The following DOCK7 variants were observed in gnomAD, a reference collection of about 807,000 sequenced individuals.
The protein encoded by DOCK7 is dedicator of cytokinesis protein 7.
Under a neutral mutation model 271.0 loss-of-function variants are expected in DOCK7, and 138 were observed. The observed-to-expected ratio is 0.51, with a 90% CI of 0.44 to 0.59. The LOEUF (loss-of-function observed/expected upper bound fraction) is 0.59, where lower values mean the gene tolerates loss of function less well. Among genes scored for constraint, DOCK7 ranks in the 20% least tolerant of loss-of-function variants. The pLI, the probability that DOCK7 is intolerant of heterozygous loss-of-function variation, is 0.00. For synonymous variants in DOCK7, 823 were observed against 876.1 expected (o/e 0.94, Z 1.07); for missense variants, 2,066 against 2,592.4 (o/e 0.80, Z 4.41).
In DOCK7 at chr1:62,633,797, C is replaced by CA; in HGVS notation, c.1036-220dup. ...GCAAAGAAACTACCATAATAAAGGCCATATATGAAAAGCCCACAGTTAACA... is the reference window on the plus strand; with the variant it reads ...GCAAAGAAACTACCATAATAAAGGCCAATATATGAAAAGCCCACAGTTAACA... On this transcript the variant is annotated intron_variant, in intron 9 of 49. Coordinates refer to ENST00000635253, the MANE Select transcript of DOCK7 (RefSeq NM_001367561.1). 1.7e-5 allele frequency: 8 copies of CA among 462,150 alleles called. No individual in the cohort carries two copies. In the South Asian group the frequency reaches 2.5e-4, roughly 14 times the overall value. 28.6% of individuals were successfully genotyped at this position (462,150 alleles called of 1,614,324 possible). A position where few individuals can be genotyped will look rare whatever the true frequency, so the allele number is the denominator to read the frequency against.
At chr1:62,610,456 AC>A (rs558311483) in intron 14 of DOCK7, among the ~76,000 whole-genome samples, 65 of 152,130 alleles carry the variant, frequency 4.3e-4, no homozygotes, top group Non-Finnish European at 6.5e-4. Context: ...ATAGAAACAT[AC>A]ATTTACTATT....
chr1:62,668,260 G>C (rs754910233), intron 1 of DOCK7, among the ~76,000 whole-genome samples: 7 of 152,134 alleles, frequency 4.6e-5, no homozygotes, highest in Non-Finnish European at 7.4e-5. Context: ...ATCTCTTACG[G>C]GTCAATGTGG....
chr1:62,601,960 CATT>C (rs1471757687), intron 14 of DOCK7: 4 of 859,478 alleles, frequency 4.7e-6, no homozygotes, highest in Non-Finnish European at 5.9e-6. Flanking sequence ...ACCTGGTTAT[CATT>C]GTTTTATACA....
At chr1:62,518,491 G>C (rs995086020) in intron 31 of DOCK7, among the ~76,000 whole-genome samples, 1 of 151,112 alleles carries the variant, frequency 6.6e-6, no homozygotes, top group East Asian at 1.9e-4. Context: ...GGAGAATGGC[G>C]TGAACCCAGG....
At chr1:62,686,882 G>GA (rs113655880) in intron 1 of DOCK7, among the ~76,000 whole-genome samples, 49,569 of 147,266 alleles carry the variant, frequency 0.34, 8,301 homozygotes, top group South Asian at 0.42. Context: ...TGGAAAGAAA[G>GA]AAAAAAAAAA....
chr1:62,503,964 G>A (rs981063361), intron 37 of DOCK7, among the ~76,000 whole-genome samples: 5 of 151,462 alleles, frequency 3.3e-5, no homozygotes, highest in Admixed American at 1.3e-4. Flanking sequence ...GGAGAATGGC[G>A]TGAACCCAGG....
chr1:62,475,319 C>T lies in DOCK7; in HGVS notation c.5994G>A (p.Glu1998=), dbSNP rs1645937683. The T allele has an allele frequency of 6.2e-7, 1 of 1,613,688 alleles. No individual in the cohort carries two copies. The highest frequency in any genetic ancestry group is 8.5e-7 in the Non-Finnish European group (1 of 1,179,908). ...IILTPIEVAI[E]DMQKKTQELA... ...ACTCCTGTGTCTTTTTCTGCATGTC[C>T]TCAATAGCAACTTCAATTGGTGTTA... Residue 1998 remains glutamate (E), a synonymous_variant, in exon 47 of 50, where the codon GAG becomes GAA. Transcript: ENST00000635253.
chr1:62,688,336 C>G lies in DOCK7; in HGVS notation c.-72G>C. 9.9e-7 allele frequency: 1 copy of G among 1,012,326 alleles called. No individual in the cohort carries two copies. Among genetic ancestry groups the G allele is most frequent in the Non-Finnish European group, 1.2e-6 (1 of 804,218 alleles). The allele number at this position is 1,012,326 out of a possible 1,614,324, so 62.7% of individuals were successfully genotyped here. ...GTGCGGACCGGCGGGCGCGTGCCTC[C>G]TCGCTCGTGCTCCCTCCCTCGCGGC... On this transcript the variant is annotated 5_prime_UTR_variant, in exon 1 of 50. Transcript: ENST00000635253.
intron 48 of DOCK7, among the ~76,000 whole-genome samples, chr1:62,469,121 T>A (rs565016426): frequency 6.6e-6 from 1 of 152,284 alleles, no homozygotes; most frequent in South Asian, 2.1e-4. Flanking sequence ...AAAGCGAGAC[T>A]AAGCAAAAAG....
At chr1:62,527,304 G>A (rs750761568) in intron 31 of DOCK7, among the ~76,000 whole-genome samples, 45 of 151,906 alleles carry the variant, frequency 3.0e-4, no homozygotes, top group Non-Finnish European at 5.4e-4. Flanking sequence ...ACCCTCAAAT[G>A]ACTGAGAATC....
chr1:62,555,712 T>A, intron 21 of DOCK7, 113 bp downstream of exon 21: 5 of 1,210,528 alleles, frequency 4.1e-6, no homozygotes, highest in Non-Finnish European at 5.6e-6. Flanking sequence ...AGGTGTTCAA[T>A]AAATGTTTGC....
intron 24 of DOCK7, among the ~76,000 whole-genome samples, chr1:62,543,049 T>C (rs767006584): frequency 6.6e-6 from 1 of 152,168 alleles, no homozygotes; most frequent in Non-Finnish European, 1.5e-5. Context: ...TTTTTAAACA[T>C]ACGCAAATAC....
chr1:62,475,561 T>C, intron 46 of DOCK7, 146 bp downstream of exon 46: 1 of 1,075,830 alleles, frequency 9.3e-7, no homozygotes, highest in Non-Finnish European at 1.3e-6. Flanking sequence ...AGAAAAGAAG[T>C]AAAAAATTGA....
At chr1:62,653,195 A>G (rs188831138) in intron 4 of DOCK7, among the ~76,000 whole-genome samples, 1 of 152,326 alleles carries the variant, frequency 6.6e-6, no homozygotes, top group Non-Finnish European at 1.5e-5. Context: ...TCTTAATCTG[A>G]CTTGCTATTG....
chr1:62,567,875 A>T (rs1017165011), intron 18 of DOCK7, among the ~76,000 whole-genome samples: 27 of 152,128 alleles, frequency 1.8e-4, no homozygotes, highest in Non-Finnish European at 7.4e-5. Context: ...TTTAAAAATA[A>T]CAGTTCTCTT....
At chr1:62,588,796 A>T (rs1170273037) in intron 14 of DOCK7, among the ~76,000 whole-genome samples, 1 of 151,986 alleles carries the variant, frequency 6.6e-6, no homozygotes, top group Non-Finnish European at 1.5e-5. Context: ...GCTGAAGTGC[A>T]GTGGTACGAT....
At chr1:62,568,928 G>A (rs76026933) in intron 18 of DOCK7, among the ~76,000 whole-genome samples, 1 of 151,720 alleles carries the variant, frequency 6.6e-6, no homozygotes, top group Non-Finnish European at 1.5e-5. Flanking sequence ...TGACCCCACA[G>A]AAATACAAAC....
At chr1:62,578,008 C>T (rs1646990040) in intron 17 of DOCK7, among the ~76,000 whole-genome samples, 1 of 152,042 alleles carries the variant, frequency 6.6e-6, no homozygotes, top group Non-Finnish European at 1.5e-5. Context: ...ACTGCAACCT[C>T]TGCCTCCCGG....
chr1:62,563,488 GA>G (rs1646401732), intron 18 of DOCK7, among the ~76,000 whole-genome samples: 1 of 151,912 alleles, frequency 6.6e-6, no homozygotes, highest in Non-Finnish European at 1.5e-5. Flanking sequence ...AAGCAATTAT[GA>G]ATGTCTTTTA....
Sources: gnomAD v4.1 joint callset for allele counts (sites outside exome capture counted in the v4.1 genomes callset) on GRCh38, gnomAD v4.1.1 for gene constraint, MANE v1.5 for transcripts, NCBI Gene and HGNC (gene_info 2026-07-23, HGNC 2026-07-21) for gene names.